The following ARID5B variants were observed in gnomAD, a reference collection of about 807,000 sequenced individuals.
ARID5B encodes AT-rich interaction domain 5B.
ARID5B carries 13 observed loss-of-function variants against 97.2 expected under a neutral mutation model. The ratio of observed to expected loss-of-function variants is 0.13; its 90% CI spans 0.09 to 0.21. The LOEUF (loss-of-function observed/expected upper bound fraction) is 0.21, where lower values mean the gene tolerates loss of function less well. Among genes scored for constraint, ARID5B ranks in the 10% least tolerant of loss-of-function variants. The probability of loss-of-function intolerance (pLI) is 1.00; values close to 1 mark genes in which losing one functional copy is unlikely to be tolerated. For synonymous variants in ARID5B, 556 were observed against 570.3 expected (o/e 0.97, Z 0.36); for missense variants, 1,210 against 1,465.3 (o/e 0.83, Z 2.84).
chr10:62,047,734 A>G (rs1839728471), intron 4 of ARID5B, among the ~76,000 whole-genome samples: 1 of 152,140 alleles, frequency 6.6e-6, no homozygotes, highest in Admixed American at 6.5e-5. Flanking sequence ...AGCACACCAT[A>G]ATGCACCTGT....
intron 3 of ARID5B, among the ~76,000 whole-genome samples, chr10:61,944,105 A>G (rs1475076588): frequency 2.0e-5 from 3 of 152,236 alleles, no homozygotes; most frequent in Non-Finnish European, 4.4e-5. Flanking sequence ...AGAAAGTTCA[A>G]TATGAAACCA....
At chr10:61,931,453 G>A (rs941042459) in intron 2 of ARID5B, among the ~76,000 whole-genome samples, 1 of 152,030 alleles carries the variant, frequency 6.6e-6, no homozygotes, top group Non-Finnish European at 1.5e-5. Flanking sequence ...TAGGCAAAGA[G>A]TTCATAGATA....
chr10:61,909,476 C>A (rs1215337987), intron 2 of ARID5B, among the ~76,000 whole-genome samples: 2 of 152,118 alleles, frequency 1.3e-5, no homozygotes, highest in Non-Finnish European at 2.9e-5. Flanking sequence ...CAGGCGCCAG[C>A]CACCGCGGCC....
At chr10:62,061,882 A>G (rs1339086660) in intron 7 of ARID5B, among the ~76,000 whole-genome samples, 1 of 152,162 alleles carries the variant, frequency 6.6e-6, no homozygotes, top group African/African-American at 2.4e-5. Context: ...AATATGGAGG[A>G]TCAAATTGGC....
At chr10:61,915,730 A>C (rs1843890142) in intron 2 of ARID5B, among the ~76,000 whole-genome samples, 1 of 152,146 alleles carries the variant, frequency 6.6e-6, no homozygotes, top group Non-Finnish European at 1.5e-5. Context: ...ACTCTGGTCT[A>C]CTATCTGTCT....
chr10:61,977,469 C>A (rs1441206593), intron 3 of ARID5B, among the ~76,000 whole-genome samples: 2 of 152,216 alleles, frequency 1.3e-5, no homozygotes, highest in Non-Finnish European at 2.9e-5. Flanking sequence ...TTTACAGTCC[C>A]ACCAACAGTG....
intron 4 of ARID5B, among the ~76,000 whole-genome samples, chr10:62,014,132 G>T (rs1839254185): frequency 1.3e-5 from 2 of 152,114 alleles, no homozygotes; most frequent in Non-Finnish European, 2.9e-5. Context: ...TAGTGGGATT[G>T]CTGGATCATA....
At chr10:61,937,015 T>C (rs549490638) in intron 2 of ARID5B, among the ~76,000 whole-genome samples, 50 of 152,214 alleles carry the variant, frequency 3.3e-4, no homozygotes, top group Non-Finnish European at 6.2e-4. Context: ...GGATCTTTGT[T>C]CAAGTCCTGC....
At chr10:61,913,085 T>A (rs1218830933) in intron 2 of ARID5B, among the ~76,000 whole-genome samples, 1 of 152,202 alleles carries the variant, frequency 6.6e-6, no homozygotes, top group Non-Finnish European at 1.5e-5. Flanking sequence ...TTTGGCAGTG[T>A]TCTGGTTGGA....
chr10:62,030,423 G>A (rs1490786997), intron 4 of ARID5B, among the ~76,000 whole-genome samples: 2 of 152,124 alleles, frequency 1.3e-5, no homozygotes, highest in African/African-American at 4.8e-5. Flanking sequence ...GAGCCACCAC[G>A]CCCGGCCAAT....
At chr10:61,965,176 A>G (rs1838526836) in intron 3 of ARID5B, among the ~76,000 whole-genome samples, 1 of 152,206 alleles carries the variant, frequency 6.6e-6, no homozygotes, top group African/African-American at 2.4e-5. Flanking sequence ...GTTACAGTCC[A>G]AAGGGGCAGG....
intron 2 of ARID5B, among the ~76,000 whole-genome samples, chr10:61,921,094 C>T (rs527321187): frequency 5.9e-5 from 9 of 152,308 alleles, no homozygotes; most frequent in Admixed American, 2.0e-4. Flanking sequence ...ACATATTTAG[C>T]ACCTCATTTT....
intron 1 of ARID5B, among the ~76,000 whole-genome samples, 173 bp downstream of exon 1, chr10:61,901,903 C>A (rs1380518244): frequency 6.6e-6 from 1 of 151,026 alleles, no homozygotes; most frequent in Non-Finnish European, 1.5e-5. Context: ...CTGCACTGAT[C>A]ATACATACAT....
intron 3 of ARID5B, among the ~76,000 whole-genome samples, chr10:61,958,262 CT>C (rs1462928057): frequency 6.6e-6 from 1 of 152,028 alleles, no homozygotes; most frequent in Non-Finnish European, 1.5e-5. Context: ...TTCTTTCTTT[CT>C]TTTTGAGACG....
At position 62,021,029 on chromosome 10, in the gene ARID5B, A is replaced by AATATATAT. The variant is rs10528323; in HGVS notation, c.733+20741_733+20748dup. Among the ~76,000 whole-genome samples, 641 of 106,682 alleles carry AATATATAT rather than the reference A, an allele frequency of 6.0e-3. 1 individual carries two copies. The highest frequency in any genetic ancestry group is 0.01 in the African/African-American group (255 of 24,812). The allele number at this position is 106,682 out of a possible 152,430, so 70.0% of individuals were successfully genotyped here. A position where few individuals can be genotyped will look rare whatever the true frequency, so the allele number is the denominator to read the frequency against. ...ACTGGGATCATGGGTTTGTCACATG[A>AATATATAT]ATATATATATATATATATATATATA... On this transcript the variant is annotated intron_variant, in intron 4 of 9. Transcript: ENST00000279873.
rs71299289 is a variant in ARID5B, at chr10:62,087,298, C to CAAA, written c.1398+1416_1398+1418dup. 1.3e-3 allele frequency among the ~76,000 whole-genome samples: 54 copies of CAAA among 40,928 alleles called. 8 individuals are homozygous for CAAA. The South Asian group carries it at 0.031, about 23-fold the overall frequency. 26.9% of individuals were successfully genotyped at this position (40,928 alleles called of 152,430 possible). ...TGGGTGACAGAGAGAGACTCTATCT[C>CAAA]AAAAAAAAAAAAAAAAAAAAGGAAA... On this transcript the variant is annotated intron_variant, in intron 9 of 9. Transcript: ENST00000279873.
intron 3 of ARID5B, among the ~76,000 whole-genome samples, chr10:61,982,414 T>A (rs1838789090): frequency 6.6e-6 from 1 of 152,174 alleles, no homozygotes; most frequent in African/African-American, 2.4e-5. Context: ...AACATAAGCC[T>A]CCATTAAAGT....
chr10:62,043,828 G>A (rs1839671345), intron 4 of ARID5B, among the ~76,000 whole-genome samples: 1 of 152,190 alleles, frequency 6.6e-6, no homozygotes, highest in African/African-American at 2.4e-5. Context: ...GAGTAAGACT[G>A]GGCATGTATT....
intron 3 of ARID5B, among the ~76,000 whole-genome samples, chr10:61,945,172 G>C (rs1844479885): frequency 6.6e-6 from 1 of 152,126 alleles, no homozygotes; most frequent in African/African-American, 2.4e-5. Flanking sequence ...TTTTACCTGA[G>C]TGCTCTCATG....
Sources: gnomAD v4.1 joint callset for allele counts (sites outside exome capture counted in the v4.1 genomes callset) on GRCh38, gnomAD v4.1.1 for gene constraint, MANE v1.5 for transcripts, NCBI Gene and HGNC (gene_info 2026-07-23, HGNC 2026-07-21) for gene names.